The following BEND7 variants were observed in gnomAD, a reference collection of about 807,000 sequenced individuals.
BEND7 encodes the protein BEN domain-containing protein 7.
BEND7 carries 28 observed loss-of-function variants against 50.9 expected under a neutral mutation model. The ratio of observed to expected loss-of-function variants is 0.55; its 90% confidence interval spans 0.41 to 0.75. BEND7 has a LOEUF of 0.75. BEND7 is among the 30% of genes least tolerant of loss of function. The pLI, the probability that BEND7 is intolerant of heterozygous loss-of-function variation, is 0.00. For missense variants in BEND7, 477 were observed against 491.3 expected (o/e 0.97, Z 0.28); for synonymous variants, 170 against 183.9 (o/e 0.92, Z 0.61).
At chr10:13,447,689 G>T (rs567858245) in intron 7 of BEND7, among the ~76,000 whole-genome samples, 12 of 151,846 alleles carry the variant, frequency 7.9e-5, no homozygotes, top group African/African-American at 2.9e-4. Context: ...GACTACAGGC[G>T]CCCGCCACCA....
chr10:13,468,315 G>C (rs1218556936), intron 6 of BEND7, among the ~76,000 whole-genome samples: 1 of 152,180 alleles, frequency 6.6e-6, no homozygotes, highest in Non-Finnish European at 1.5e-5. Flanking sequence ...GGAAGAACAA[G>C]TCAGGCTTGT....
chr10:13,521,671 G>A (rs2079086349), intron 2 of BEND7, among the ~76,000 whole-genome samples: 1 of 152,148 alleles, frequency 6.6e-6, no homozygotes, highest in African/African-American at 2.4e-5. Flanking sequence ...TTCCTCTGAG[G>A]TTGCAACTCC....
chr10:13,513,795 G>A (rs550971612), intron 2 of BEND7, among the ~76,000 whole-genome samples: 5 of 152,356 alleles, frequency 3.3e-5, no homozygotes, highest in African/African-American at 4.8e-5. Flanking sequence ...GCAGCTCCCC[G>A]AGAGGCTGGG....
At chr10:13,494,039 A>G (rs1410404806) in intron 4 of BEND7, among the ~76,000 whole-genome samples, 2 of 152,242 alleles carry the variant, frequency 1.3e-5, no homozygotes, top group Non-Finnish European at 2.9e-5. Flanking sequence ...ACTACATAAG[A>G]GCACAGAAGT....
chr10:13,491,334 G>A (rs916502182), intron 5 of BEND7, among the ~76,000 whole-genome samples: 1 of 145,682 alleles, frequency 6.9e-6, no homozygotes, highest in African/African-American at 2.6e-5. Context: ...AAAAAAAAAT[G>A]CTTAGAAAAT....
chr10:13,529,391 A>G (rs1266780691), upstream of BEND7, among the ~76,000 whole-genome samples: 1 of 152,030 alleles, frequency 6.6e-6, no homozygotes, highest in African/African-American at 2.4e-5. Flanking sequence ...CCGGGGCCCG[A>G]CGCGCTGATT....
At chr10:13,472,597 C>A (rs1311205841) in intron 6 of BEND7, among the ~76,000 whole-genome samples, 3 of 151,566 alleles carry the variant, frequency 2.0e-5, no homozygotes, top group Non-Finnish European at 2.9e-5. Flanking sequence ...TGATACCCGT[C>A]ATCACTGTTA....
In BEND7 at chr10:13,528,970, G is replaced by GCCC. The variant is rs1564433802; in HGVS notation, c.-438_-437insGGG. On this transcript the variant is annotated 5_prime_UTR_variant, in exon 1 of 9. Transcript: ENST00000466271. ...GCCTGCGGTCGCGGCGGCGGCGGCG[G>GCCC]CGGCCCCGAAGACGCGGCGGGCGGG... 3 of 144,686 alleles carry GCCC rather than the reference G, an allele frequency of 2.1e-5. No individual in the cohort carries two copies. Among genetic ancestry groups the GCCC allele is most frequent in the African/African-American group, 7.5e-5 (3 of 40,050 alleles). 9.0% of individuals were successfully genotyped at this position (144,686 alleles called of 1,614,324 possible).
intron 6 of BEND7, among the ~76,000 whole-genome samples, chr10:13,471,021 A>C (rs1467570045): frequency 6.6e-6 from 1 of 152,146 alleles, no homozygotes; most frequent in Non-Finnish European, 1.5e-5. Flanking sequence ...CATTTGATAT[A>C]CTTCTCTTCA....
At chr10:13,485,809 GT>G (rs1161454884) in intron 5 of BEND7, among the ~76,000 whole-genome samples, 1 of 152,140 alleles carries the variant, frequency 6.6e-6, no homozygotes, top group Non-Finnish European at 1.5e-5. Context: ...AAAACTAAAT[GT>G]TCCTGTAACT....
At chr10:13,527,922 T>G (rs1037632262) in intron 1 of BEND7, 132 of 800,002 alleles carry the variant, frequency 1.6e-4, no homozygotes, top group Non-Finnish European at 1.9e-4. Context: ...CTTATCTGAC[T>G]GCTATATGAT....
intron 1 of BEND7, among the ~76,000 whole-genome samples, chr10:13,528,204 G>A (rs1442685394): frequency 3.3e-5 from 5 of 152,054 alleles, no homozygotes; most frequent in African/African-American, 9.7e-5. Flanking sequence ...GCCCCGAGGA[G>A]GGCTCGGGCC....
chr10:13,528,542 GA>G lies in BEND7; in HGVS notation c.-10del. ...CTCTCGGAGAACTCCATGGTGCGGG[GA>G]AGGCGGCGGCGGGGGCTGAGGAGGC... On this transcript the variant is annotated 5_prime_UTR_variant, in exon 1 of 9. Transcript: ENST00000466271. 2 of 1,025,660 alleles carry G rather than the reference GA, an allele frequency of 1.9e-6. No individual in the cohort carries two copies. Among genetic ancestry groups the G allele is most frequent in the Non-Finnish European group, 2.3e-6 (2 of 857,104 alleles). 63.5% of individuals were successfully genotyped at this position (1,025,660 alleles called of 1,614,324 possible).
intron 3 of BEND7, among the ~76,000 whole-genome samples, chr10:13,498,076 T>TC (rs1265587599): frequency 1.1e-5 from 1 of 91,312 alleles, no homozygotes; most frequent in African/African-American, 4.4e-5. Flanking sequence ...TTTTTCTTTT[T>TC]TTTTTTTTTT....
At chr10:13,458,669 G>T (rs745791433) in intron 6 of BEND7, among the ~76,000 whole-genome samples, 2 of 152,214 alleles carry the variant, frequency 1.3e-5, no homozygotes, top group Non-Finnish European at 2.9e-5. Flanking sequence ...GTCCTCATTA[G>T]ATCTGCCAAA....
At chr10:13,516,165 C>CA (rs1377924843) in intron 2 of BEND7, among the ~76,000 whole-genome samples, 3 of 152,230 alleles carry the variant, frequency 2.0e-5, no homozygotes, top group Non-Finnish European at 2.9e-5. Context: ...ATTGGACACT[C>CA]AGAGTCTTGC....
At position 13,483,726 on chromosome 10, in the gene BEND7, T is replaced by C. The variant is rs191028565; in HGVS notation, c.838-2602A>G. On this transcript the variant is annotated intron_variant, in intron 5 of 8. Transcript: ENST00000466271. ...AGGCTGGTTCTGCAGGCAAGACATA[T>C]GCACAAATACCTATCCTATAAAGTC... Among the ~76,000 whole-genome samples, 20 of 152,274 alleles carry C rather than the reference T, an allele frequency of 1.3e-4. No individual in the cohort carries two copies. The East Asian group carries it at 3.9e-3, about 29-fold the overall frequency.
intron 7 of BEND7, 92 bp downstream of exon 7, chr10:13,452,447 T>A (rs1277579077): frequency 1.5e-6 from 2 of 1,325,222 alleles, no homozygotes; most frequent in African/African-American, 2.9e-5. Context: ...AAAGACAAGA[T>A]GCTGAAATAA....
At chr10:13,491,258 A>G (rs1259732986) in intron 5 of BEND7, among the ~76,000 whole-genome samples, 2 of 149,002 alleles carry the variant, frequency 1.3e-5, no homozygotes, top group Non-Finnish European at 1.5e-5. Context: ...GGTTGCAGTG[A>G]GTGGAGATCA....
Sources: allele counts gnomAD v4.1 joint callset (sites outside exome capture counted in the v4.1 genomes callset), GRCh38; gene constraint gnomAD v4.1.1; transcripts MANE v1.5; gene names NCBI Gene and HGNC (gene_info 2026-07-23, HGNC 2026-07-21).